SCEL: variants seen among roughly 807,000 people sequenced by gnomAD.
SCEL encodes sciellin.
A neutral mutation model predicts 117.6 loss-of-function variants in SCEL; 113 were observed. The ratio of observed to expected loss-of-function variants is 0.96; its 90% confidence interval spans 0.83 to 1.12. The LOEUF (loss-of-function observed/expected upper bound fraction) is 1.12, where lower values mean the gene tolerates loss of function less well. Ranked by LOEUF, SCEL falls within the 50% of genes most tolerant of loss-of-function variation. The pLI is 0.00. For missense variants in SCEL, 785 were observed against 810.8 expected, an observed-to-expected ratio of 0.97 and a Z score of 0.39; for synonymous variants, 270 against 256.2, an observed-to-expected ratio of 1.05 and a Z score of -0.51.
chr13:77,627,789 G>A (rs1481703610), intron 27 of SCEL, among the ~76,000 whole-genome samples, 158 bp from the exon 28 acceptor site: 2 of 151,894 alleles, frequency 1.3e-5, no homozygotes, highest in Non-Finnish European at 1.5e-5. Flanking sequence ...GAGTTGTATG[G>A]ATCAAATAGC....
intron 19 of SCEL, among the ~76,000 whole-genome samples, chr13:77,604,874 T>C (rs1594096130): frequency 6.6e-6 from 1 of 152,124 alleles, no homozygotes; most frequent in East Asian, 1.9e-4. Flanking sequence ...TAAATGCGTG[T>C]GTGTATAAGT....
intron 19 of SCEL, among the ~76,000 whole-genome samples, chr13:77,605,651 T>C (rs1017119044): frequency 3.9e-5 from 6 of 152,178 alleles, no homozygotes; most frequent in African/African-American, 1.4e-4. Context: ...AATTTAGTGT[T>C]CAAATATTTA....
intron 15 of SCEL, 53 bp downstream of exon 15, chr13:77,599,801 T>G: frequency 7.7e-7 from 1 of 1,305,004 alleles, no homozygotes; most frequent in Non-Finnish European, 1.1e-6. Context: ...TGGTGTACTA[T>G]TTTCTGGAGG....
intron 9 of SCEL, among the ~76,000 whole-genome samples, chr13:77,579,810 T>C (rs2086167567): frequency 6.6e-6 from 1 of 152,140 alleles, no homozygotes; most frequent in Non-Finnish European, 1.5e-5. Flanking sequence ...GTAAGCCAGA[T>C]GCAAAGGGGA....
At chr13:77,641,024 G>C (rs891272234) in intron 31 of SCEL, among the ~76,000 whole-genome samples, 2 of 151,950 alleles carry the variant, frequency 1.3e-5, no homozygotes, top group Non-Finnish European at 2.9e-5. Context: ...TCTTACCCTA[G>C]AGATTTAAAT....
At chr13:77,593,460 C>T in intron 11 of SCEL, 54 bp from the exon 12 acceptor site, 2 of 1,393,654 alleles carry the variant, frequency 1.4e-6, no homozygotes, top group Admixed American at 1.8e-5. Flanking sequence ...ATTTTAGCTC[C>T]TTCAAAAATA....
chr13:77,563,716 T>G (rs1332760081), intron 4 of SCEL, 115 bp from the exon 5 acceptor site: 4 of 661,618 alleles, frequency 6.0e-6, no homozygotes, highest in Admixed American at 3.1e-5. Context: ...CTTGGTAACA[T>G]GTATATTTCC....
At chr13:77,600,998 A>G (rs2087634117) in intron 15 of SCEL, among the ~76,000 whole-genome samples, 1 of 152,232 alleles carries the variant, frequency 6.6e-6, no homozygotes, top group South Asian at 2.1e-4. Flanking sequence ...GATGAAAAGC[A>G]TTGGCAGTAA....
At chr13:77,588,156 C>A (rs1013535050) in intron 9 of SCEL, among the ~76,000 whole-genome samples, 6 of 152,096 alleles carry the variant, frequency 3.9e-5, no homozygotes, top group Non-Finnish European at 8.8e-5. Flanking sequence ...GGACATTACC[C>A]AGCTCACAGA....
chr13:77,571,278 A>G (rs2085599425), intron 8 of SCEL, among the ~76,000 whole-genome samples: 1 of 150,714 alleles, frequency 6.6e-6, no homozygotes, highest in African/African-American at 2.4e-5. Context: ...TCGTCCCAGC[A>G]ACTCGGAGGC....
chr13:77,581,160 G>A (rs1420662387), intron 9 of SCEL, among the ~76,000 whole-genome samples: 3 of 152,034 alleles, frequency 2.0e-5, no homozygotes, highest in African/African-American at 7.2e-5. Context: ...AATCTCTTTT[G>A]TAGAAATTAA....
intron 23 of SCEL, among the ~76,000 whole-genome samples, 188 bp downstream of exon 23, chr13:77,613,129 G>A (rs541015967): frequency 1.3e-5 from 2 of 151,862 alleles, no homozygotes; most frequent in Admixed American, 6.6e-5. Flanking sequence ...TTATATTATT[G>A]TAGAAAATTA....
intron 1 of SCEL, among the ~76,000 whole-genome samples, chr13:77,536,378 AAAATCACCATTTCTCACTT>A (rs2154392405): frequency 6.6e-6 from 1 of 152,294 alleles, no homozygotes; most frequent in East Asian, 1.9e-4. Context: ...CCCAAATAAG[AAAATCACCATTTCTCACTT>A]GAAAGTACCA....
At chr13:77,579,705 T>G (rs1467357601) in intron 9 of SCEL, among the ~76,000 whole-genome samples, 1 of 151,988 alleles carries the variant, frequency 6.6e-6, no homozygotes, top group Non-Finnish European at 1.5e-5. Flanking sequence ...ACAAAATATG[T>G]GGAGTGTGGA....
intron 5 of SCEL, among the ~76,000 whole-genome samples, chr13:77,567,260 T>C (rs2085340654): frequency 6.6e-6 from 1 of 151,986 alleles, no homozygotes; most frequent in Non-Finnish European, 1.5e-5. Context: ...TCGAGACCAG[T>C]GTGGCCAACA....
intron 27 of SCEL, among the ~76,000 whole-genome samples, chr13:77,623,733 G>A (rs1158274418): frequency 1.3e-5 from 2 of 152,058 alleles, no homozygotes; most frequent in Non-Finnish European, 2.9e-5. Context: ...GAAAACTAAG[G>A]TACAAAGAGG....
At chr13:77,606,317 G>T (rs2088183308) in intron 19 of SCEL, among the ~76,000 whole-genome samples, 1 of 152,174 alleles carries the variant, frequency 6.6e-6, no homozygotes, top group Non-Finnish European at 1.5e-5. Flanking sequence ...GTACCTGTGT[G>T]TGTGAGCGTA....
intron 1 of SCEL, among the ~76,000 whole-genome samples, chr13:77,555,611 C>T (rs532616268): frequency 2.0e-5 from 3 of 152,302 alleles, no homozygotes; most frequent in South Asian, 4.1e-4. Context: ...CTGATTCTAC[C>T]GATTGCTTAT....
chr13:77,575,066 C>A (rs2085861288), intron 9 of SCEL, among the ~76,000 whole-genome samples: 1 of 152,178 alleles, frequency 6.6e-6, no homozygotes, highest in Admixed American at 6.5e-5. Context: ...TGAGTCCTTT[C>A]CTGGAATTTC....
Sources: gnomAD v4.1 joint callset for allele counts (sites outside exome capture counted in the v4.1 genomes callset) on GRCh38, gnomAD v4.1.1 for gene constraint, MANE v1.5 for transcripts, NCBI Gene and HGNC (gene_info 2026-07-23, HGNC 2026-07-21) for gene names.